REPS1: variants seen among roughly 807,000 people sequenced by gnomAD.
REPS1 encodes the protein ralBP1-associated Eps domain-containing protein 1.
Under a neutral mutation model 100.9 loss-of-function variants are expected in REPS1, and 39 were observed. That is an observed-to-expected ratio of 0.39 (90% CI 0.30 to 0.50). REPS1 has a LOEUF of 0.50. Ranked by LOEUF, REPS1 falls within the 20% of genes least tolerant of loss-of-function variation. The probability of loss-of-function intolerance (pLI) is 0.86; values close to 1 mark genes in which losing one functional copy is unlikely to be tolerated. For synonymous variants in REPS1, 324 were observed against 340.3 expected (o/e 0.95, Z 0.53); for missense variants, 821 against 968.5 (o/e 0.85, Z 2.02).
chr6:138,980,419 C>T (rs1784874424), intron 1 of REPS1, among the ~76,000 whole-genome samples: 2 of 152,128 alleles, frequency 1.3e-5, no homozygotes, highest in African/African-American at 4.8e-5. Context: ...GTACAAGGGC[C>T]TGCCTTATGC....
intron 15 of REPS1, 129 bp downstream of exon 15, chr6:138,914,568 G>C (rs1780227228): frequency 2.7e-6 from 2 of 735,296 alleles, no homozygotes; most frequent in Non-Finnish European, 2.4e-6. Context: ...CAGCCTCACT[G>C]AATTAAATGC....
intron 17 of REPS1, among the ~76,000 whole-genome samples, chr6:138,910,020 A>T (rs1017840262): frequency 1.3e-5 from 2 of 152,270 alleles, no homozygotes; most frequent in South Asian, 2.1e-4. Flanking sequence ...GTACACTGAT[A>T]TAGTTTAGAT....
At chr6:138,936,626 G>C (rs1032861107) in intron 8 of REPS1, among the ~76,000 whole-genome samples, 1 of 136,418 alleles carries the variant, frequency 7.3e-6, no homozygotes, top group South Asian at 2.6e-4. Context: ...TATGTTTGGG[G>C]GGGGGTAGAG....
chr6:138,962,580 AAAT>A (rs1410957713), intron 1 of REPS1, among the ~76,000 whole-genome samples: 2 of 152,200 alleles, frequency 1.3e-5, no homozygotes, highest in Non-Finnish European at 2.9e-5. Flanking sequence ...CCAATAGAAT[AAAT>A]AATACAAGAA....
At chr6:138,958,490 C>CT (rs1014519492) in intron 1 of REPS1, among the ~76,000 whole-genome samples, 1 of 129,918 alleles carries the variant, frequency 7.7e-6, no homozygotes, top group Non-Finnish European at 1.6e-5. Flanking sequence ...TCTAAGTTAC[C>CT]TCCCCTCGCC....
chr6:138,972,657 A>T (rs1242176250), intron 1 of REPS1, among the ~76,000 whole-genome samples: 1 of 149,942 alleles, frequency 6.7e-6, no homozygotes, highest in East Asian at 2.0e-4. Flanking sequence ...ATGTGAGTTT[A>T]CTACTAAAGT....
At chr6:138,909,674 T>C (rs1779884528) in intron 17 of REPS1, among the ~76,000 whole-genome samples, 1 of 152,038 alleles carries the variant, frequency 6.6e-6, no homozygotes, top group Admixed American at 6.6e-5. Flanking sequence ...CAAGACCTAA[T>C]GGTTTTACAG....
intron 1 of REPS1, among the ~76,000 whole-genome samples, chr6:138,961,423 G>C (rs1026446613): frequency 7.2e-5 from 11 of 152,144 alleles, no homozygotes; most frequent in East Asian, 3.9e-4. Flanking sequence ...ATTTTTAGTA[G>C]AGACGGGGAT....
intron 15 of REPS1, 121 bp from the exon 16 acceptor site, chr6:138,913,071 T>C (rs1372821770): frequency 1.4e-6 from 1 of 716,436 alleles, no homozygotes; most frequent in Non-Finnish European, 2.2e-6. Context: ...ATCTGTAAGT[T>C]CAGAGAGGTG....
chr6:138,922,073 T>A (rs7341269), intron 10 of REPS1, among the ~76,000 whole-genome samples: 1 of 152,048 alleles, frequency 6.6e-6, no homozygotes, highest in Non-Finnish European at 1.5e-5. Context: ...TGAGGAATGA[T>A]CTGATAAAAT....
intron 13 of REPS1, among the ~76,000 whole-genome samples, 171 bp downstream of exon 13, chr6:138,917,383 TG>T (rs758007297): frequency 1.3e-5 from 2 of 152,230 alleles, no homozygotes; most frequent in Non-Finnish European, 2.9e-5. Flanking sequence ...GGGTTCTTTT[TG>T]TTTTTCTATT....
chr6:138,976,355 CAAG>C (rs1411597010), intron 1 of REPS1, among the ~76,000 whole-genome samples: 1 of 152,002 alleles, frequency 6.6e-6, no homozygotes, highest in Non-Finnish European at 1.5e-5. Context: ...GGATTGGGAC[CAAG>C]ATCTAGCTCC....
At chr6:138,908,878 G>C in intron 17 of REPS1, 62 bp from the exon 18 acceptor site, 1 of 1,483,012 alleles carries the variant, frequency 6.7e-7, no homozygotes, top group Non-Finnish European at 9.2e-7. Flanking sequence ...TTAGCACTTT[G>C]CAACACCATT....
At chr6:138,971,773 T>C (rs560741160) in intron 1 of REPS1, among the ~76,000 whole-genome samples, 4 of 152,238 alleles carry the variant, frequency 2.6e-5, no homozygotes, top group South Asian at 2.1e-4. Context: ...AGAGTACCCA[T>C]AGTGCTAGGC....
chr6:138,980,995 T>C (rs185196171), intron 1 of REPS1, among the ~76,000 whole-genome samples: 5 of 152,360 alleles, frequency 3.3e-5, no homozygotes. Context: ...CAGAAGTGTT[T>C]AGCATTTCAC....
At chr6:138,985,998 T>C (rs1582878253) in intron 1 of REPS1, among the ~76,000 whole-genome samples, 1 of 152,206 alleles carries the variant, frequency 6.6e-6, no homozygotes, top group Admixed American at 6.5e-5. Flanking sequence ...AAAAAGAGTA[T>C]GATTAATGAG....
chr6:138,959,297 G>A (rs951991374), intron 1 of REPS1, among the ~76,000 whole-genome samples: 1 of 152,064 alleles, frequency 6.6e-6, no homozygotes, highest in Admixed American at 6.5e-5. Context: ...TCTTATTCCT[G>A]GTGAGAAAAA....
At chr6:138,948,178 C>A (rs181998417) in intron 1 of REPS1, among the ~76,000 whole-genome samples, 1 of 152,216 alleles carries the variant, frequency 6.6e-6, no homozygotes, top group East Asian at 1.9e-4. Context: ...TGTTATGAGT[C>A]ACATTTTTAA....
At chr6:138,943,722 TTC>T in intron 6 of REPS1, 129 bp downstream of exon 6, 3 of 1,047,560 alleles carry the variant, frequency 2.9e-6, no homozygotes, top group Non-Finnish European at 4.0e-6. Flanking sequence ...TGATTATAAA[TTC>T]TTTTTAGACA....
Sources: gnomAD v4.1 joint callset for allele counts (sites outside exome capture counted in the v4.1 genomes callset) on GRCh38, gnomAD v4.1.1 for gene constraint, MANE v1.5 for transcripts, NCBI Gene and HGNC (gene_info 2026-07-23, HGNC 2026-07-21) for gene names.